The following UTRN variants were observed in gnomAD, a reference collection of about 807,000 sequenced individuals.
UTRN encodes utrophin.
In UTRN, 283 loss-of-function variants were observed where a neutral mutation model predicts 463.9. That is an observed-to-expected ratio of 0.61 (90% CI 0.55 to 0.67). The LOEUF (loss-of-function observed/expected upper bound fraction) is 0.67, where lower values mean the gene tolerates loss of function less well. Among genes scored for constraint, UTRN ranks in the 30% least tolerant of loss-of-function variants. UTRN has a pLI of 0.00. For synonymous variants in UTRN, 1,442 were observed against 1,431.5 expected (o/e 1.01, Z -0.17); for missense variants, 3,922 against 4,084.3 (o/e 0.96, Z 1.08).
intron 54 of UTRN, among the ~76,000 whole-genome samples, chr6:144,737,104 A>T (rs1789501243): frequency 6.6e-6 from 1 of 151,694 alleles, no homozygotes; most frequent in African/African-American, 2.4e-5. Flanking sequence ...TTTAGTGATT[A>T]CCCTCATTGA....
intron 30 of UTRN, 136 bp from the exon 31 acceptor site, chr6:144,489,935 A>C: frequency 1.5e-6 from 2 of 1,300,890 alleles, no homozygotes; most frequent in Non-Finnish European, 2.1e-6. Flanking sequence ...AAACTTATTA[A>C]AGCTTCTGTG....
chr6:144,688,355 C>T (rs972408159), intron 52 of UTRN, among the ~76,000 whole-genome samples: 3 of 151,762 alleles, frequency 2.0e-5, no homozygotes, highest in Non-Finnish European at 4.4e-5. Flanking sequence ...CTTTTGTATT[C>T]TTTATCTGGT....
intron 71 of UTRN, among the ~76,000 whole-genome samples, chr6:144,838,097 A>G (rs1267218318): frequency 6.6e-6 from 1 of 152,232 alleles, no homozygotes; most frequent in East Asian, 1.9e-4. Flanking sequence ...AACTTAGTGC[A>G]TAGGTGGAAT....
At chr6:144,740,812 TGAA>T (rs1789974567) in intron 54 of UTRN, among the ~76,000 whole-genome samples, 1 of 152,232 alleles carries the variant, frequency 6.6e-6, no homozygotes, top group Admixed American at 6.5e-5. Flanking sequence ...ATAGTCTTCA[TGAA>T]GAATTATATG....
intron 29 of UTRN, among the ~76,000 whole-genome samples, chr6:144,488,111 A>G (rs1792660645): frequency 6.6e-6 from 1 of 152,208 alleles, no homozygotes; most frequent in Admixed American, 6.5e-5. Context: ...GAGAAAGAAC[A>G]TTTCTTTTAT....
chr6:144,521,246 A>G (rs1171795678), intron 39 of UTRN, among the ~76,000 whole-genome samples: 2 of 151,952 alleles, frequency 1.3e-5, no homozygotes, highest in African/African-American at 2.4e-5. Flanking sequence ...AGATCACAGC[A>G]CTGCACTCCA....
At position 144,353,858 on chromosome 6, in the gene UTRN, A is replaced by AACAAACAC. The variant is rs536347747; in HGVS notation, c.80-49262_80-49261insAACACACA. On this transcript the variant is annotated intron_variant, in intron 2 of 74. Transcript: ENST00000367545. ...CGAGACTGTCTAAAACAAACAAACAAACACACACAAAAACAAAAACAAAAA... is the reference window on the plus strand; with the variant it reads ...CGAGACTGTCTAAAACAAACAAACAAACAAACACACACACACAAAAACAAAAACAAAAA... Among the ~76,000 whole-genome samples, 708 of 152,144 alleles carry AACAAACAC rather than the reference A, an allele frequency of 4.7e-3. 6 individuals carry two copies. The highest frequency in any genetic ancestry group is 0.016 in the African/African-American group (670 of 41,442).
At chr6:144,310,535 CAAA>C (rs59215811) in intron 2 of UTRN, among the ~76,000 whole-genome samples, 2 of 92,048 alleles carry the variant, frequency 2.2e-5, no homozygotes, top group Admixed American at 1.2e-4. Context: ...AACTCCGTCT[CAAA>C]AAAAAAAAAA....
chr6:144,820,433 C>G (rs2128753052), intron 65 of UTRN, among the ~76,000 whole-genome samples: 1 of 152,166 alleles, frequency 6.6e-6, no homozygotes, highest in South Asian at 2.1e-4. Flanking sequence ...TTGTGTGTAG[C>G]CAGCATCGGC....
At position 144,794,009 on chromosome 6, in the gene UTRN, C is replaced by G. The variant is rs1776993049; in HGVS notation, c.9078+18C>G. 3 of 1,612,890 alleles carry G rather than the reference C, an allele frequency of 1.9e-6. No individual in the cohort carries two copies. Among genetic ancestry groups the G allele is most frequent in the Non-Finnish European group, 1.7e-6 (2 of 1,179,360 alleles). On this transcript the variant is annotated intron_variant, in intron 63 of 74. Coordinates refer to ENST00000367545, the MANE Select transcript of UTRN (RefSeq NM_007124.3). The stretch of plus-strand genomic sequence containing the variant: ...TCCAACAGGTAAGCATGAAGGATCA[C>G]TGGTGTGTAGGATGTGTTGGCGAAG...
chr6:144,665,466 G>GAAACATTATAAACAAGTTATTTGAT (rs1780288227), intron 51 of UTRN, among the ~76,000 whole-genome samples: 1 of 152,032 alleles, frequency 6.6e-6, no homozygotes, highest in Non-Finnish European at 1.5e-5. Context: ...GCTTGACTGT[G>GAAACATTATAAACAAGTTATTTGAT]AAACATTATA....
At chr6:144,640,422 T>G (rs1777647988) in intron 51 of UTRN, among the ~76,000 whole-genome samples, 2 of 152,164 alleles carry the variant, frequency 1.3e-5, no homozygotes. Context: ...CCCAAAAGCT[T>G]TACAGTGTCT....
At chr6:144,630,029 CA>C (rs34039801) in intron 51 of UTRN, among the ~76,000 whole-genome samples, 38,822 of 150,886 alleles carry the variant, frequency 0.26, 5,784 homozygotes, top group African/African-American at 0.4. Context: ...ACTAAAAATA[CA>C]AAAAAAAATT....
chr6:144,558,858 T>A (rs998841400), intron 50 of UTRN, among the ~76,000 whole-genome samples: 1 of 152,064 alleles, frequency 6.6e-6, no homozygotes, highest in Non-Finnish European at 1.5e-5. Context: ...ACAAGTGTTA[T>A]GGGAGTTATG....
In UTRN at chr6:144,499,093, A is replaced by C. The variant is rs141160678; in HGVS notation, c.4594-164A>C. ...CCACTACAGCATATTGCCTCCTTGC[A>C]GAAATGCAAGCTTAGAGGATTCTAA... On this transcript the variant is annotated intron_variant, in intron 33 of 74. Transcript: ENST00000367545. Among the ~76,000 whole-genome samples the C allele has an allele frequency of 7.9e-5, 12 of 152,304 alleles. No homozygotes were observed. The East Asian group carries it at 2.3e-3, about 29-fold the overall frequency.
At chr6:144,553,316 G>A (rs540749673) in intron 48 of UTRN, among the ~76,000 whole-genome samples, 1 of 152,268 alleles carries the variant, frequency 6.6e-6, no homozygotes, top group South Asian at 2.1e-4. Context: ...GGGATTACAG[G>A]TGTCAGCCAC....
intron 3 of UTRN, among the ~76,000 whole-genome samples, chr6:144,404,782 G>A (rs1459963739): frequency 1.3e-5 from 2 of 152,166 alleles, no homozygotes; most frequent in African/African-American, 4.8e-5. Flanking sequence ...TAGAGGAAGA[G>A]AGATGACAAC....
At chr6:144,712,471 G>T (rs528202709) in intron 53 of UTRN, among the ~76,000 whole-genome samples, 12 of 152,272 alleles carry the variant, frequency 7.9e-5, no homozygotes, top group African/African-American at 2.9e-4. Flanking sequence ...TAAAACCAAT[G>T]AACCCTTTTG....
At chr6:144,741,041 A>T (rs1398060009) in intron 54 of UTRN, among the ~76,000 whole-genome samples, 1 of 152,244 alleles carries the variant, frequency 6.6e-6, no homozygotes, top group African/African-American at 2.4e-5. Context: ...TGAGCGTGGT[A>T]TAATGTACTT....
Sources: gnomAD v4.1 joint callset for allele counts (sites outside exome capture counted in the v4.1 genomes callset) on GRCh38, gnomAD v4.1.1 for gene constraint, MANE v1.5 for transcripts, NCBI Gene and HGNC (gene_info 2026-07-23, HGNC 2026-07-21) for gene names.